Variants in MIPOL1 observed in about 807,000 individuals in gnomAD.
MIPOL1 encodes the protein mirror-image polydactyly gene 1 protein.
A neutral mutation model predicts 60.9 loss-of-function variants in MIPOL1; 57 were observed. The observed-to-expected ratio is 0.94, with a 90% CI of 0.76 to 1.17. MIPOL1 has a LOEUF of 1.17. Among genes scored for constraint, MIPOL1 ranks in the 50% most tolerant of loss-of-function variants. MIPOL1 has a pLI of 0.00. For synonymous variants in MIPOL1, 179 were observed against 168.8 expected, an observed-to-expected ratio of 1.06 and a Z score of -0.47; for missense variants, 551 against 511.6, an observed-to-expected ratio of 1.08 and a Z score of -0.74.
chr14:37,240,647 T>C (rs984198681), intron 1 of MIPOL1: 4 of 152,206 alleles, frequency 2.6e-5, no homozygotes, highest in African/African-American at 2.4e-5. Flanking sequence ...GGCAAAACGT[T>C]TCAGGATATT....
At chr14:37,333,297 C>A (rs1404227678) in intron 9 of MIPOL1, among the ~76,000 whole-genome samples, 1 of 151,910 alleles carries the variant, frequency 6.6e-6, no homozygotes, top group South Asian at 2.1e-4. Flanking sequence ...ATACCTTTTT[C>A]TTAACTTTTT....
At chr14:37,446,635 A>T (rs934818464) in intron 11 of MIPOL1, among the ~76,000 whole-genome samples, 476 of 152,226 alleles carry the variant, frequency 3.1e-3, no homozygotes, top group African/African-American at 0.011. Context: ...GTATGTTTAT[A>T]GCGGCACTAT....
chr14:37,424,832 C>T (rs1359235005), intron 11 of MIPOL1, among the ~76,000 whole-genome samples: 1 of 152,194 alleles, frequency 6.6e-6, no homozygotes, highest in Non-Finnish European at 1.5e-5. Flanking sequence ...ACACCAATGA[C>T]TCTCAACTGT....
Position 37,551,244 on chromosome 14 carries a change from C to G in MIPOL1, c.*4273C>G, listed in dbSNP as rs1418967590. On this transcript the variant is annotated 3_prime_UTR_variant, in exon 13 of 13. Transcript: ENST00000684589. ...TTTACTTTGTACTCAAATAAAATCC[C>G]CTATTGCAAATCCTATACATATTTC... 3.3e-5 allele frequency: 5 copies of G among 151,872 alleles called. No homozygotes were observed. The highest frequency in any genetic ancestry group is 7.4e-5 in the Non-Finnish European group (5 of 67,968). 9.4% of individuals were successfully genotyped at this position (151,872 alleles called of 1,614,324 possible). A position where few individuals can be genotyped will look rare whatever the true frequency, so the allele number is the denominator to read the frequency against.
At chr14:37,322,242 T>A (rs921866061) in intron 9 of MIPOL1, among the ~76,000 whole-genome samples, 2 of 152,014 alleles carry the variant, frequency 1.3e-5, no homozygotes, top group Non-Finnish European at 2.9e-5. Flanking sequence ...GCACATTCTC[T>A]ACGTCTGACA....
chr14:37,308,147 T>C (rs1374972526), intron 8 of MIPOL1, 58 bp downstream of exon 8: 1 of 1,495,368 alleles, frequency 6.7e-7, no homozygotes, highest in African/African-American at 1.4e-5. Flanking sequence ...GAGGCTTAAG[T>C]TCAATTGAGT....
intron 6 of MIPOL1, chr14:37,277,029 G>T (rs764867955): frequency 4.2e-4 from 63 of 150,990 alleles, no homozygotes; most frequent in Non-Finnish European, 8.2e-4. Context: ...GAAAAGTTTG[G>T]TTTTTTTCTG....
intron 12 of MIPOL1, among the ~76,000 whole-genome samples, chr14:37,543,786 T>G (rs2095538142): frequency 6.6e-6 from 1 of 152,218 alleles, no homozygotes. Context: ...CTTTCTAAAA[T>G]GCAAATGATG....
At chr14:37,271,955 T>G (rs1428204162) in intron 6 of MIPOL1, among the ~76,000 whole-genome samples, 1 of 151,650 alleles carries the variant, frequency 6.6e-6, no homozygotes, top group Non-Finnish European at 1.5e-5. Context: ...CTCTTTAATT[T>G]TTTTTATAAT....
At chr14:37,482,375 C>T (rs1395544867) in intron 11 of MIPOL1, among the ~76,000 whole-genome samples, 1 of 152,270 alleles carries the variant, frequency 6.6e-6, no homozygotes, top group South Asian at 2.1e-4. Context: ...AATAAGATAT[C>T]TTACACCAGT....
In MIPOL1 at chr14:37,546,956, G is replaced by GAGGA. The variant is rs1348945407; in HGVS notation, c.1315_1318dup (p.Thr440LysfsTer29). On this transcript the variant is annotated frameshift_variant, in exon 13 of 13. Coordinates refer to ENST00000684589, the MANE Select transcript of MIPOL1 (RefSeq NM_001388067.1). LOFTEE classifies it high-confidence loss of function. Reference sequence around the variant, plus strand: ...GGAAGAAGGTTGGAACCGGGACCATGAGGACAGTGATCTGATTGAAAAAAA... The same window carrying GAGGA: ...GGAAGAAGGTTGGAACCGGGACCATGAGGAAGGACAGTGATCTGATTGAAAAAAA... The GAGGA allele has an allele frequency of 1.9e-6, 3 of 1,613,200 alleles. No homozygotes were observed. The highest frequency in any genetic ancestry group is 2.5e-6 in the Non-Finnish European group (3 of 1,179,568).
chr14:37,228,333 T>C (rs952051461), intron 1 of MIPOL1, among the ~76,000 whole-genome samples: 6 of 150,362 alleles, frequency 4.0e-5, no homozygotes, highest in African/African-American at 9.7e-5. Flanking sequence ...TTCTTTTTTT[T>C]TTTTTTTTTT....
At chr14:37,470,948 G>C (rs575907106) in intron 11 of MIPOL1, among the ~76,000 whole-genome samples, 2 of 152,268 alleles carry the variant, frequency 1.3e-5, no homozygotes, top group South Asian at 4.1e-4. Flanking sequence ...CAAAATGAGG[G>C]ATGTTGGGAG....
At chr14:37,451,537 A>G (rs1032867801) in intron 11 of MIPOL1, among the ~76,000 whole-genome samples, 17 of 151,500 alleles carry the variant, frequency 1.1e-4, no homozygotes, top group African/African-American at 4.2e-4. Context: ...TTATTCTTAA[A>G]CAATGAGCTT....
chr14:37,209,166 T>TTTTCCTATTTGTGACTTCTTTCTA (rs1966553392), intron 1 of MIPOL1, among the ~76,000 whole-genome samples: 2 of 152,202 alleles, frequency 1.3e-5, no homozygotes, highest in Non-Finnish European at 2.9e-5. Context: ...TTCCAGTGTC[T>TTTTCCTATTTGTGACTTCTTTCTA]TTTCCTATTT....
At chr14:37,287,218 T>A (rs993993175) in intron 7 of MIPOL1, among the ~76,000 whole-genome samples, 2 of 150,236 alleles carry the variant, frequency 1.3e-5, no homozygotes, top group Non-Finnish European at 1.5e-5. Flanking sequence ...AAATATTTTA[T>A]ATATATTTAA....
chr14:37,373,980 A>T (rs932640136), intron 10 of MIPOL1, among the ~76,000 whole-genome samples: 4 of 152,150 alleles, frequency 2.6e-5, no homozygotes, highest in African/African-American at 9.7e-5. Context: ...CAATAGTTGA[A>T]CTAATTTACA....
At chr14:37,243,747 A>G (rs1230686331) in intron 1 of MIPOL1, among the ~76,000 whole-genome samples, 2 of 152,196 alleles carry the variant, frequency 1.3e-5, no homozygotes, top group Non-Finnish European at 2.9e-5. Flanking sequence ...ATACTGTTAC[A>G]TTGGGGAATG....
intron 9 of MIPOL1, among the ~76,000 whole-genome samples, chr14:37,341,649 T>C (rs755897374): frequency 2.6e-5 from 4 of 152,226 alleles, no homozygotes; most frequent in South Asian, 2.1e-4. Flanking sequence ...CTCACTGTGT[T>C]GCCCAAGCTG....
Sources: gnomAD v4.1 joint callset for allele counts (sites outside exome capture counted in the v4.1 genomes callset) on GRCh38, gnomAD v4.1.1 for gene constraint, MANE v1.5 for transcripts, NCBI Gene and HGNC (gene_info 2026-07-23, HGNC 2026-07-21) for gene names.